TYW1: variants seen among roughly 807,000 people sequenced by gnomAD.
The protein encoded by TYW1 is tRNA-yW synthesizing protein 1 homolog.
Under a neutral mutation model 96.2 loss-of-function variants are expected in TYW1, and 46 were observed. That is an observed-to-expected ratio of 0.48 (90% CI 0.38 to 0.61). The LOEUF is 0.61. TYW1 is among the 20% of genes least tolerant of loss of function. The pLI is 0.00. For synonymous variants in TYW1, 274 were observed against 323.0 expected, an observed-to-expected ratio of 0.85 and a Z score of 1.63; for missense variants, 684 against 909.6, an observed-to-expected ratio of 0.75 and a Z score of 3.19.
intron 13 of TYW1, among the ~76,000 whole-genome samples, chr7:67,155,778 T>C (rs1798950045): frequency 6.6e-6 from 1 of 152,202 alleles, no homozygotes; most frequent in Non-Finnish European, 1.5e-5. Flanking sequence ...TCATGTTTTC[T>C]TGCTTCCTCA....
chr7:67,031,822 G>A (rs1794682542), intron 7 of TYW1, among the ~76,000 whole-genome samples: 1 of 148,386 alleles, frequency 6.7e-6, no homozygotes, highest in Non-Finnish European at 1.5e-5. Context: ...CAAATGGAGA[G>A]ATCAGGTGAT....
chr7:67,186,632 G>A lies in TYW1; in HGVS notation c.1809+3396G>A, dbSNP rs370954843. Among the ~76,000 whole-genome samples the A allele has an allele frequency of 1.3e-4, 20 of 150,990 alleles. No homozygotes were observed. In the East Asian group the frequency reaches 2.7e-3, roughly 20 times the overall value. ...CCTCCCAAGTAGCTGGATGACAGAC[G>A]CACACCACCACACCTGGCTAATTTA... On this transcript the variant is annotated intron_variant, in intron 14 of 15. Transcript: ENST00000359626.
chr7:67,019,731 T>C (rs1794174153), intron 6 of TYW1, among the ~76,000 whole-genome samples: 1 of 152,292 alleles, frequency 6.6e-6, no homozygotes, highest in Admixed American at 6.5e-5. Context: ...CCATTAGCTT[T>C]TGTTACAAGC....
At chr7:67,077,857 T>C (rs1182566997) in intron 10 of TYW1, among the ~76,000 whole-genome samples, 1 of 152,224 alleles carries the variant, frequency 6.6e-6, no homozygotes, top group African/African-American at 2.4e-5. Context: ...GTTTTCACAG[T>C]ATGTAATTTC....
chr7:67,017,077 G>A (rs1162609011), intron 5 of TYW1, among the ~76,000 whole-genome samples: 1 of 150,860 alleles, frequency 6.6e-6, no homozygotes, highest in Admixed American at 6.6e-5. Context: ...CTGCCTCCAG[G>A]GTTCAAGGAA....
intron 12 of TYW1, among the ~76,000 whole-genome samples, chr7:67,102,206 G>T (rs1315078650): frequency 6.6e-6 from 1 of 152,154 alleles, no homozygotes; most frequent in Non-Finnish European, 1.5e-5. Flanking sequence ...ATCATGAATG[G>T]AATTGTCTGT....
chr7:67,181,243 T>C (rs1323156099), intron 13 of TYW1, among the ~76,000 whole-genome samples: 2 of 152,220 alleles, frequency 1.3e-5, no homozygotes, highest in Non-Finnish European at 2.9e-5. Flanking sequence ...AACAAAATGC[T>C]GAATTTTACT....
intron 11 of TYW1, among the ~76,000 whole-genome samples, chr7:67,089,673 G>A (rs1176514176): frequency 1.3e-5 from 2 of 152,186 alleles, no homozygotes; most frequent in African/African-American, 4.8e-5. Context: ...AGCTTTGGAA[G>A]ATAATTCCTG....
chr7:67,112,512 A>C (rs1416747708), intron 12 of TYW1, among the ~76,000 whole-genome samples: 1 of 151,690 alleles, frequency 6.6e-6, no homozygotes, highest in African/African-American at 2.4e-5. Flanking sequence ...GCTACTTGGG[A>C]GGCTGAGGTA....
At chr7:67,047,783 ATTTTTTTTTTTTTT>A (rs36007120) in intron 7 of TYW1, among the ~76,000 whole-genome samples, 1 of 79,872 alleles carries the variant, frequency 1.3e-5, no homozygotes, top group Admixed American at 1.7e-4. Context: ...GTGAGTGTCA[ATTTTTTTTTTTTTT>A]TTTTTTTTTT....
chr7:67,096,719 C>A (rs2115851096), intron 11 of TYW1, among the ~76,000 whole-genome samples: 1 of 152,070 alleles, frequency 6.6e-6, no homozygotes, highest in African/African-American at 2.4e-5. Flanking sequence ...TTTTCCTGAT[C>A]CTCTCCCTTC....
At chr7:67,176,901 A>G (rs2116281227) in intron 13 of TYW1, among the ~76,000 whole-genome samples, 1 of 152,088 alleles carries the variant, frequency 6.6e-6, no homozygotes, top group African/African-American at 2.4e-5. Flanking sequence ...GCCTTTACCC[A>G]CTAGATGTCA....
At chr7:67,022,685 A>G (rs1794315047) in intron 6 of TYW1, among the ~76,000 whole-genome samples, 1 of 152,220 alleles carries the variant, frequency 6.6e-6, no homozygotes, top group Non-Finnish European at 1.5e-5. Flanking sequence ...CAGCTTGGGC[A>G]TGAGGCTGGG....
chr7:67,185,908 C>CT (rs1800002645), intron 14 of TYW1, among the ~76,000 whole-genome samples: 1 of 124,402 alleles, frequency 8.0e-6, no homozygotes, highest in Non-Finnish European at 1.6e-5. Context: ...TTACAGCTGT[C>CT]TTTTGGTGAG....
intron 15 of TYW1, among the ~76,000 whole-genome samples, chr7:67,224,115 T>C (rs900798328): frequency 1.3e-5 from 2 of 152,148 alleles, no homozygotes; most frequent in African/African-American, 4.8e-5. Context: ...TTAAACAAGT[T>C]GATACTTGTT....
intron 4 of TYW1, among the ~76,000 whole-genome samples, chr7:67,010,204 C>T (rs1289133949): frequency 2.0e-5 from 3 of 152,024 alleles, no homozygotes; most frequent in Non-Finnish European, 2.9e-5. Flanking sequence ...ACCATGTTGG[C>T]CAGGCTGGTC....
intron 13 of TYW1, among the ~76,000 whole-genome samples, chr7:67,173,382 T>C (rs142294122): frequency 0.034 from 5,145 of 152,168 alleles, 262 homozygotes; most frequent in African/African-American, 0.12. Context: ...TTTAATATAG[T>C]CTGTGTTTCT....
At chr7:67,086,859 C>T (rs1191539361) in intron 11 of TYW1, among the ~76,000 whole-genome samples, 1 of 152,114 alleles carries the variant, frequency 6.6e-6, no homozygotes, top group African/African-American at 2.4e-5. Flanking sequence ...TTAACCATCA[C>T]AGATAGTAAT....
intron 13 of TYW1, among the ~76,000 whole-genome samples, chr7:67,125,562 C>T (rs532206397): frequency 1.3e-5 from 2 of 152,120 alleles, no homozygotes; most frequent in South Asian, 2.1e-4. Context: ...TGAACCTACA[C>T]GGATCCATCA....
Sources: allele counts gnomAD v4.1 joint callset (sites outside exome capture counted in the v4.1 genomes callset), GRCh38; gene constraint gnomAD v4.1.1; transcripts MANE v1.5; gene names NCBI Gene and HGNC (gene_info 2026-07-23, HGNC 2026-07-21).